Variants in ARMC1 observed in about 807,000 individuals in gnomAD.
The protein encoded by ARMC1 is armadillo repeat-containing protein 1.
Under a neutral mutation model 31.4 loss-of-function variants are expected in ARMC1, and 16 were observed. The observed-to-expected ratio is 0.51, with a 90% confidence interval of 0.34 to 0.77. ARMC1 has a LOEUF of 0.77. Ranked by LOEUF, ARMC1 falls within the 30% of genes least tolerant of loss-of-function variation. The pLI is 0.01. For synonymous variants in ARMC1, 114 were observed against 118.9 expected (o/e 0.96, Z 0.27); for missense variants, 259 against 347.5 (o/e 0.75, Z 2.02).
At chr8:65,613,576 A>G in intron 3 of ARMC1, 143 bp from the exon 4 acceptor site, 2 of 513,334 alleles carry the variant, frequency 3.9e-6, no homozygotes, top group Non-Finnish European at 6.7e-6. Flanking sequence ...TAGAATAATC[A>G]ATAATGTAGA....
At chr8:65,619,678 C>G (rs1234143029) in intron 3 of ARMC1, among the ~76,000 whole-genome samples, 1 of 151,914 alleles carries the variant, frequency 6.6e-6, no homozygotes, top group African/African-American at 2.4e-5. Flanking sequence ...AAGACCCCAT[C>G]TCTACAAAAA....
Position 65,613,526 on chromosome 8 carries a change from C to T in ARMC1, c.276-93G>A, listed in dbSNP as rs1808188479. 4 of 815,364 alleles carry T rather than the reference C, an allele frequency of 4.9e-6. No individual in the cohort carries two copies. The East Asian group carries it at 8.0e-5, about 16-fold the overall frequency. 50.5% of individuals were successfully genotyped at this position (815,364 alleles called of 1,614,324 possible). A position where few individuals can be genotyped will look rare whatever the true frequency, so the allele number is the denominator to read the frequency against. Reference sequence around the variant, plus strand: ...TAAAAGGAGCCTTGTTTCTTTTACTCTAATGCCTTGTTCAATTTAAAAGCA... The same window carrying T: ...TAAAAGGAGCCTTGTTTCTTTTACTTTAATGCCTTGTTCAATTTAAAAGCA... On this transcript the variant is annotated intron_variant, in intron 3 of 6. Transcript: ENST00000276569.
chr8:65,613,201 A>T, intron 4 of ARMC1, 43 bp downstream of exon 4: 1 of 1,454,004 alleles, frequency 6.9e-7, no homozygotes, highest in Non-Finnish European at 9.3e-7. Flanking sequence ...TGAAGAAACT[A>T]TTCAGTAAAC....
chr8:65,607,629 T>A (rs1014964144), intron 4 of ARMC1, among the ~76,000 whole-genome samples: 1 of 152,226 alleles, frequency 6.6e-6, no homozygotes, highest in Non-Finnish European at 1.5e-5. Context: ...TCTAAAATAA[T>A]GCCTAACATT....
chr8:65,619,084 A>G (rs1563416851), intron 3 of ARMC1, among the ~76,000 whole-genome samples: 5 of 152,280 alleles, frequency 3.3e-5, no homozygotes, highest in Non-Finnish European at 1.5e-5. Flanking sequence ...AACTGCTGGT[A>G]AAAGCATCAT....
intron 4 of ARMC1, among the ~76,000 whole-genome samples, chr8:65,606,711 T>C (rs1467144821): frequency 2.0e-5 from 3 of 152,202 alleles, no homozygotes; most frequent in African/African-American, 7.2e-5. Context: ...TGTCTCACCT[T>C]AACTCCAAAG....
intron 3 of ARMC1, among the ~76,000 whole-genome samples, chr8:65,615,496 G>A (rs985948128): frequency 1.1e-4 from 16 of 151,726 alleles, no homozygotes; most frequent in Non-Finnish European, 1.9e-4. Flanking sequence ...CCTGAGGTTA[G>A]GAGTTCGAGC....
At chr8:65,616,744 C>T (rs1161818294) in intron 3 of ARMC1, among the ~76,000 whole-genome samples, 15 of 151,184 alleles carry the variant, frequency 9.9e-5, no homozygotes, top group South Asian at 2.1e-4. Context: ...TCTGCCCCGC[C>T]GCCCCGTCTG....
At chr8:65,631,249 G>C (rs570078816) in intron 1 of ARMC1, among the ~76,000 whole-genome samples, 1 of 152,030 alleles carries the variant, frequency 6.6e-6, no homozygotes, top group African/African-American at 2.4e-5. Context: ...TGAATTTTTG[G>C]GGGGGAACAG....
At chr8:65,617,921 G>GTT (rs1205316663) in intron 3 of ARMC1, among the ~76,000 whole-genome samples, 1 of 74,738 alleles carries the variant, frequency 1.3e-5, no homozygotes, top group Non-Finnish European at 3.0e-5. Context: ...TTTTTCGGCG[G>GTT]GGGGGGAGGG....
intron 3 of ARMC1, 50 bp downstream of exon 3, chr8:65,622,213 G>A (rs1808407864): frequency 7.0e-7 from 1 of 1,434,428 alleles, no homozygotes; most frequent in Non-Finnish European, 9.8e-7. Flanking sequence ...CTGTAAGTAA[G>A]TAATATAAGT....
At chr8:65,620,799 T>TAAAAA (rs112946805) in intron 3 of ARMC1, among the ~76,000 whole-genome samples, 3 of 139,180 alleles carry the variant, frequency 2.2e-5, no homozygotes, top group East Asian at 2.0e-4. Flanking sequence ...TAGTTCCATT[T>TAAAAA]AAAAAAAAAC....
At chr8:65,604,688 G>T in intron 6 of ARMC1, 103 bp from the exon 7 acceptor site, 1 of 935,650 alleles carries the variant, frequency 1.1e-6, no homozygotes. Context: ...ATGACAGTAG[G>T]CCCAATTGCT....
chr8:65,625,030 A>G (rs921054920), intron 2 of ARMC1, among the ~76,000 whole-genome samples: 1 of 152,214 alleles, frequency 6.6e-6, no homozygotes, highest in Non-Finnish European at 1.5e-5. Flanking sequence ...CTGAGGCAGG[A>G]GAATCGCTTG....
intron 3 of ARMC1, among the ~76,000 whole-genome samples, chr8:65,618,466 G>A (rs1219410683): frequency 1.3e-5 from 2 of 149,184 alleles, no homozygotes; most frequent in Non-Finnish European, 3.0e-5. Flanking sequence ...AGCTTGCAGT[G>A]AGCCAAGATT....
chr8:65,611,318 T>G (rs887174807), intron 4 of ARMC1, among the ~76,000 whole-genome samples: 2 of 152,212 alleles, frequency 1.3e-5, no homozygotes, highest in Non-Finnish European at 2.9e-5. Context: ...TTTTCTCTTT[T>G]ATTCTTGATC....
intron 1 of ARMC1, among the ~76,000 whole-genome samples, chr8:65,629,323 T>C (rs1183653989): frequency 1.3e-5 from 2 of 152,108 alleles, no homozygotes; most frequent in Non-Finnish European, 2.9e-5. Flanking sequence ...AGAGAAATGC[T>C]GCATATTGTT....
intron 1 of ARMC1, among the ~76,000 whole-genome samples, chr8:65,631,765 C>G (rs1314638812): frequency 6.6e-6 from 1 of 152,018 alleles, no homozygotes; most frequent in Non-Finnish European, 1.5e-5. Context: ...TGCAGTAACT[C>G]AGGAGGCTGA....
chr8:65,604,956 T>C (rs903463775), intron 6 of ARMC1, among the ~76,000 whole-genome samples: 3 of 152,214 alleles, frequency 2.0e-5, no homozygotes, highest in Admixed American at 6.5e-5. Flanking sequence ...ATTTTCACCC[T>C]ATTTACTTGC....
Sources: gnomAD v4.1 joint callset for allele counts (sites outside exome capture counted in the v4.1 genomes callset) on GRCh38, gnomAD v4.1.1 for gene constraint, MANE v1.5 for transcripts, NCBI Gene and HGNC (gene_info 2026-07-23, HGNC 2026-07-21) for gene names.